Variants in SGCZ observed in about 807,000 individuals in gnomAD.
SGCZ encodes the protein sarcoglycan zeta, also known as zeta-sarcoglycan.
Under a neutral mutation model 41.3 loss-of-function variants are expected in SGCZ, and 40 were observed. The observed-to-expected ratio is 0.97, with a 90% CI of 0.75 to 1.26. The LOEUF (loss-of-function observed/expected upper bound fraction) is 1.26. Among genes scored for constraint, SGCZ ranks in the 50% most tolerant of loss-of-function variants. The probability of loss-of-function intolerance (pLI) is 0.00; values close to 1 mark genes in which losing one functional copy is unlikely to be tolerated. For missense variants in SGCZ, 552 were observed against 369.8 expected (o/e 1.49, Z -4.04); for synonymous variants, 206 against 137.5 (o/e 1.50, Z -3.49).
At chr8:14,304,898 T>C (rs1801303498) in intron 3 of SGCZ, among the ~76,000 whole-genome samples, 2 of 152,056 alleles carry the variant, frequency 1.3e-5, no homozygotes, top group Admixed American at 6.6e-5. Flanking sequence ...TTGCCTAAAG[T>C]AGAAAATAAA....
chr8:14,152,736 A>T (rs1336765762), intron 5 of SGCZ, among the ~76,000 whole-genome samples: 1 of 152,232 alleles, frequency 6.6e-6, no homozygotes, highest in Non-Finnish European at 1.5e-5. Flanking sequence ...CAGGGTTCAT[A>T]GTAGCATTGG....
intron 2 of SGCZ, among the ~76,000 whole-genome samples, chr8:14,542,039 T>C (rs1246979396): frequency 6.6e-6 from 1 of 152,150 alleles, no homozygotes; most frequent in Non-Finnish European, 1.5e-5. Flanking sequence ...TAGCTCTTTG[T>C]CAGATGGACA....
chr8:14,518,366 T>C (rs1276467513), intron 2 of SGCZ, among the ~76,000 whole-genome samples: 1 of 152,144 alleles, frequency 6.6e-6, no homozygotes, highest in African/African-American at 2.4e-5. Context: ...ATACATACAC[T>C]ACACGTATAA....
intron 2 of SGCZ, among the ~76,000 whole-genome samples, chr8:14,360,044 T>A (rs1803452497): frequency 6.6e-6 from 1 of 152,136 alleles, no homozygotes; most frequent in South Asian, 2.1e-4. Context: ...TGAAAAAGCA[T>A]TTGATAAAAT....
At position 14,559,681 on chromosome 8, in the gene SGCZ, G is replaced by A. The variant is rs534995910; in HGVS notation, c.40-4755C>T. Among the ~76,000 whole-genome samples, 7 of 151,828 alleles carry A rather than the reference G, an allele frequency of 4.6e-5. No homozygotes were observed. In the South Asian group the frequency reaches 8.3e-4, roughly 18 times the overall value. ...GCATTAATGTCCTGTTAAATCTTATGTTTCCATTTTTTACCATTGAGGCAT... is the reference window on the plus strand; with the variant it reads ...GCATTAATGTCCTGTTAAATCTTATATTTCCATTTTTTACCATTGAGGCAT... On this transcript the variant is annotated intron_variant, in intron 1 of 7. Transcript: ENST00000382080.
chr8:15,068,199 C>T (rs929694887), intron 1 of SGCZ, among the ~76,000 whole-genome samples: 4 of 152,172 alleles, frequency 2.6e-5, no homozygotes, highest in Admixed American at 2.0e-4. Flanking sequence ...CTCATTCTAA[C>T]GTACCATTTT....
chr8:14,430,251 C>T (rs763000168), intron 2 of SGCZ, among the ~76,000 whole-genome samples: 4 of 152,002 alleles, frequency 2.6e-5, no homozygotes, highest in Non-Finnish European at 4.4e-5. Context: ...AAAAAAGAAA[C>T]CTACAGACCA....
intron 1 of SGCZ, among the ~76,000 whole-genome samples, chr8:15,118,249 A>T (rs969306236): frequency 6.6e-6 from 1 of 152,236 alleles, no homozygotes; most frequent in Non-Finnish European, 1.5e-5. Context: ...GAGATTTCCT[A>T]TATTTCTGAG....
intron 1 of SGCZ, among the ~76,000 whole-genome samples, chr8:14,716,297 G>T (rs1414816979): frequency 2.0e-5 from 3 of 152,040 alleles, no homozygotes; most frequent in Non-Finnish European, 4.4e-5. Context: ...AGGAGCCCAT[G>T]ATTTATTTCT....
rs1489897406 is a variant in SGCZ, at chr8:14,555,061, G to T, written c.40-135C>A. On this transcript the variant is annotated intron_variant, in intron 1 of 7. Coordinates refer to ENST00000382080, the MANE Select transcript of SGCZ (RefSeq NM_139167.4). ...GGCAGTGAGCATTCAAATAACTATT[G>T]TTGTGTAATTAAAATGTTATAGAAA... 8.3e-6 allele frequency: 6 copies of T among 720,910 alleles called. No homozygotes were observed. In the African/African-American group the frequency reaches 1.1e-4, roughly 13 times the overall value. 44.7% of individuals were successfully genotyped at this position (720,910 alleles called of 1,614,324 possible). A position where few individuals can be genotyped will look rare whatever the true frequency, so the allele number is the denominator to read the frequency against.
chr8:14,845,834 ATATAAT>A (rs558008328), intron 1 of SGCZ, among the ~76,000 whole-genome samples: 173 of 152,300 alleles, frequency 1.1e-3, no homozygotes, highest in African/African-American at 4.0e-3. Context: ...AAAAAGTCAG[ATATAAT>A]TATATGTTTT....
At chr8:14,121,135 G>A (rs13248079) in intron 5 of SGCZ, among the ~76,000 whole-genome samples, 49,504 of 151,790 alleles carry the variant, frequency 0.33, 10,247 homozygotes, top group Non-Finnish European at 0.47. Flanking sequence ...TCCTTCTCAC[G>A]GAAACTCAAC....
chr8:14,505,491 T>G (rs934485570), intron 2 of SGCZ, among the ~76,000 whole-genome samples: 3 of 152,156 alleles, frequency 2.0e-5, no homozygotes, highest in African/African-American at 7.2e-5. Context: ...CCCTGAGAAA[T>G]GGCGTGATAA....
intron 4 of SGCZ, among the ~76,000 whole-genome samples, chr8:14,206,040 T>C (rs1805604874): frequency 1.3e-5 from 2 of 152,092 alleles, no homozygotes; most frequent in Non-Finnish European, 2.9e-5. Context: ...TTTAATGCTG[T>C]TTCCATTATA....
intron 1 of SGCZ, among the ~76,000 whole-genome samples, chr8:14,950,471 G>C (rs1396010670): frequency 6.6e-6 from 1 of 151,052 alleles, no homozygotes; most frequent in African/African-American, 2.4e-5. Context: ...TTTATCAGAA[G>C]TGTCAAGAAG....
intron 2 of SGCZ, among the ~76,000 whole-genome samples, chr8:14,340,141 G>GT (rs879703536): frequency 1.3e-5 from 2 of 151,798 alleles, no homozygotes; most frequent in South Asian, 2.1e-4. Flanking sequence ...TTTCAATTCT[G>GT]TTTTTTTCTT....
intron 1 of SGCZ, among the ~76,000 whole-genome samples, chr8:14,849,813 G>A (rs997504630): frequency 6.6e-6 from 1 of 151,906 alleles, no homozygotes; most frequent in Non-Finnish European, 1.5e-5. Context: ...GTTGTTATAA[G>A]AAAAAAATGA....
intron 1 of SGCZ, among the ~76,000 whole-genome samples, chr8:14,938,065 T>C (rs1268218566): frequency 6.6e-6 from 1 of 152,178 alleles, no homozygotes; most frequent in Non-Finnish European, 1.5e-5. Context: ...AAATCATATA[T>C]ACACTAACAC....
intron 1 of SGCZ, among the ~76,000 whole-genome samples, chr8:14,611,139 T>A (rs1331128311): frequency 1.3e-5 from 2 of 152,214 alleles, no homozygotes; most frequent in African/African-American, 4.8e-5. Context: ...CTTTTCTTTA[T>A]GAATATATTT....
Sources: allele counts gnomAD v4.1 joint callset (sites outside exome capture counted in the v4.1 genomes callset), GRCh38; gene constraint gnomAD v4.1.1; transcripts MANE v1.5; gene names NCBI Gene and HGNC (gene_info 2026-07-23, HGNC 2026-07-21).